Variants in HIVEP2 observed in about 807,000 individuals in gnomAD.
HIVEP2 encodes transcription factor HIVEP2.
In HIVEP2, 14 loss-of-function variants were observed where a neutral mutation model predicts 180.7. That is an observed-to-expected ratio of 0.08 (90% CI 0.05 to 0.12). The LOEUF is 0.12. HIVEP2 is among the 10% of genes least tolerant of loss of function. The pLI, the probability that HIVEP2 is intolerant of heterozygous loss-of-function variation, is 1.00. For missense variants in HIVEP2, 2,579 were observed against 3,008.5 expected, an observed-to-expected ratio of 0.86 and a Z score of 3.34; for synonymous variants, 1,184 against 1,136.4, an observed-to-expected ratio of 1.04 and a Z score of -0.84.
chr6:142,938,577 C>A (rs1778107112), intron 1 of HIVEP2, among the ~76,000 whole-genome samples: 1 of 152,228 alleles, frequency 6.6e-6, no homozygotes. Context: ...TTCTCTCTCA[C>A]AGAACACCTA....
At position 142,910,913 on chromosome 6, in the gene HIVEP2, G is replaced by A. The variant is rs570980195; in HGVS notation, c.-641+34186C>T. On this transcript the variant is annotated intron_variant, in intron 1 of 9. Coordinates refer to ENST00000367603, the MANE Select transcript of HIVEP2 (RefSeq NM_006734.4). ...AAGACCATCGTGCATGATACAGCTT[G>A]AATCCACTGATCTAAATAACCAAAG... Among the ~76,000 whole-genome samples the A allele has an allele frequency of 8.5e-5, 13 of 152,236 alleles. 1 individual carries two copies. In the South Asian group the frequency reaches 2.7e-3, roughly 32 times the overall value.
intron 1 of HIVEP2, among the ~76,000 whole-genome samples, chr6:142,924,708 A>C (rs1304209066): frequency 6.6e-6 from 1 of 152,260 alleles, no homozygotes; most frequent in African/African-American, 2.4e-5. Flanking sequence ...ATCAAATCAC[A>C]TATGCTTAGA....
At chr6:142,785,130 C>T (rs914423723) in intron 2 of HIVEP2, among the ~76,000 whole-genome samples, 3 of 151,918 alleles carry the variant, frequency 2.0e-5, no homozygotes, top group Admixed American at 6.5e-5. Flanking sequence ...ACCTCGTGAT[C>T]CACCTGCCTT....
intron 6 of HIVEP2, 152 bp downstream of exon 6, chr6:142,768,230 C>T: frequency 3.1e-6 from 2 of 650,010 alleles, no homozygotes; most frequent in Admixed American, 6.7e-5. Flanking sequence ...AACTTATGAT[C>T]TATTACCAGC....
Position 142,794,279 on chromosome 6 carries a change from C to G in HIVEP2, c.-527-10664G>C, listed in dbSNP as rs148878406. Among the ~76,000 whole-genome samples, 335 of 152,238 alleles carry G rather than the reference C, an allele frequency of 2.2e-3. 2 individuals are homozygous for G. Among genetic ancestry groups the G allele is most frequent in the African/African-American group, 6.4e-3 (265 of 41,548 alleles). On this transcript the variant is annotated intron_variant, in intron 2 of 9. Transcript: ENST00000367603. ...TGATAATTAACAATATGTACACAAACAAACACACAGATCTCAATAATGGGG... is the reference window on the plus strand; with the variant it reads ...TGATAATTAACAATATGTACACAAAGAAACACACAGATCTCAATAATGGGG...
At chr6:142,758,726 C>T (rs571337546) in intron 9 of HIVEP2, among the ~76,000 whole-genome samples, 96 of 152,298 alleles carry the variant, frequency 6.3e-4, no homozygotes, top group Non-Finnish European at 1.1e-3. Flanking sequence ...ATTAAACCTA[C>T]TGCTTAAATG....
intron 1 of HIVEP2, among the ~76,000 whole-genome samples, chr6:142,907,734 G>C (rs1777303013): frequency 6.6e-6 from 1 of 152,186 alleles, no homozygotes. Flanking sequence ...ATTCAACAGA[G>C]AGGACCTGCG....
chr6:142,777,584 G>C (rs1775732806), intron 3 of HIVEP2, among the ~76,000 whole-genome samples: 1 of 146,454 alleles, frequency 6.8e-6, no homozygotes, highest in Admixed American at 7.0e-5. Context: ...GGAGGCAGAG[G>C]TTGCAGTGAG....
At chr6:142,897,195 C>A (rs1157002593) in intron 1 of HIVEP2, among the ~76,000 whole-genome samples, 2 of 152,082 alleles carry the variant, frequency 1.3e-5, no homozygotes, top group Admixed American at 6.6e-5. Context: ...CTATAAGGTA[C>A]ACCACTACAT....
chr6:142,922,273 G>A (rs905177112), intron 1 of HIVEP2, among the ~76,000 whole-genome samples: 3 of 152,156 alleles, frequency 2.0e-5, no homozygotes, highest in Non-Finnish European at 4.4e-5. Flanking sequence ...TCTGCAAGGA[G>A]GGTTTAGGGC....
chr6:142,767,012 C>A lies in HIVEP2; in HGVS notation c.5342+1370G>T, dbSNP rs1775395449. Among the ~76,000 whole-genome samples the A allele has an allele frequency of 2.0e-5, 3 of 152,104 alleles. No homozygotes were observed. In the South Asian group the frequency reaches 6.2e-4, roughly 32 times the overall value. On this transcript the variant is annotated intron_variant, in intron 6 of 9. Transcript: ENST00000367603. ...ATGGGACACAGCCCATAAAACGGGG[C>A]AATTAAAGGAGGAGGAAATGAAATA...
intron 1 of HIVEP2, among the ~76,000 whole-genome samples, chr6:142,845,877 A>G (rs1358623273): frequency 6.6e-6 from 1 of 152,256 alleles, no homozygotes; most frequent in Non-Finnish European, 1.5e-5. Context: ...CGTCTTCCGC[A>G]GACACCAAAA....
rs1775470067 is a variant in HIVEP2 at position 142,769,678 on chromosome 6, G to A, written c.5061C>T (p.Thr1687=). The A allele has an allele frequency of 6.2e-7, 1 of 1,614,030 alleles. No homozygotes were observed. Among genetic ancestry groups the A allele is most frequent in the South Asian group, 1.1e-5 (1 of 91,080 alleles). Residue 1687 remains threonine, a synonymous_variant, in exon 5 of 10, where the codon ACC becomes ACT. Coordinates refer to ENST00000367603, the MANE Select transcript of HIVEP2 (RefSeq NM_006734.4). ...SCNPNPSGLN[T]KTTLALLRSK... is the part of the protein sequence containing the mutation. ...ACCTCAGAAGAGCCAGCGTGGTCTTGGTGTTCAATCCTGATGGGTTTGGAT... is the reference window on the plus strand; with the variant it reads ...ACCTCAGAAGAGCCAGCGTGGTCTTAGTGTTCAATCCTGATGGGTTTGGAT...
chr6:142,868,684 T>A (rs890193601), intron 1 of HIVEP2, among the ~76,000 whole-genome samples: 3 of 152,210 alleles, frequency 2.0e-5, no homozygotes, highest in African/African-American at 7.2e-5. Flanking sequence ...TAAAAAGCCC[T>A]ATCCAGATCA....
chr6:142,812,336 G>C (rs1776720837), intron 2 of HIVEP2, among the ~76,000 whole-genome samples: 1 of 152,162 alleles, frequency 6.6e-6, no homozygotes, highest in South Asian at 2.1e-4. Flanking sequence ...CCAACAGCCG[G>C]AGGGGAAAAT....
chr6:142,850,687 CA>C, intron 1 of HIVEP2, among the ~76,000 whole-genome samples: 1 of 152,318 alleles, frequency 6.6e-6, no homozygotes, highest in Non-Finnish European at 1.5e-5. Context: ...ACATTTTATT[CA>C]GACATCTAGA....
intron 1 of HIVEP2, among the ~76,000 whole-genome samples, chr6:142,930,699 G>A (rs1438572884): frequency 6.6e-6 from 1 of 152,118 alleles, no homozygotes; most frequent in Non-Finnish European, 1.5e-5. Flanking sequence ...TCCTTGTTCA[G>A]CCTCCATCTA....
intron 1 of HIVEP2, among the ~76,000 whole-genome samples, chr6:142,847,639 T>C (rs1224547592): frequency 6.6e-6 from 1 of 152,170 alleles, no homozygotes. Context: ...CAATAAATAA[T>C]GAAAATTAAA....
In HIVEP2 at chr6:142,769,738, G is replaced by C; in HGVS notation, c.5001C>G (p.Ser1667=). 1 of 1,614,198 alleles carries C rather than the reference G, an allele frequency of 6.2e-7. No individual in the cohort carries two copies. Among genetic ancestry groups the C allele is most frequent in the Non-Finnish European group, 8.5e-7 (1 of 1,180,040 alleles). The change falls in exon 5 of 10, where the codon TCC becomes TCG. Residue 1667 remains serine, a synonymous_variant. Coordinates refer to ENST00000367603, the MANE Select transcript of HIVEP2 (RefSeq NM_006734.4). ...PNYVQQATFK[S]SVYASWCISS... ...TAATGCACCATGAAGCATAAACCGA[G>C]GATTTGAAGGTGGCCTGTTGCACAT...
Sources: allele counts gnomAD v4.1 joint callset (sites outside exome capture counted in the v4.1 genomes callset), GRCh38; gene constraint gnomAD v4.1.1; transcripts MANE v1.5; gene names NCBI Gene and HGNC (gene_info 2026-07-23, HGNC 2026-07-21).